The following ILRUN variants were observed in gnomAD, a reference collection of about 807,000 sequenced individuals.
ILRUN encodes protein ILRUN.
ILRUN carries 3 observed loss-of-function variants against 33.8 expected under a neutral mutation model. The ratio of observed to expected loss-of-function variants is 0.09; its 90% CI spans 0.04 to 0.23. ILRUN has a LOEUF of 0.23. ILRUN is among the 10% of genes least tolerant of loss of function. The pLI is 1.00. For missense variants in ILRUN, 210 were observed against 375.1 expected (o/e 0.56, Z 3.64); for synonymous variants, 124 against 138.9 (o/e 0.89, Z 0.75).
intron 4 of ILRUN, among the ~76,000 whole-genome samples, chr6:34,596,263 C>T (rs1761397463): frequency 1.3e-5 from 2 of 152,182 alleles, no homozygotes; most frequent in Non-Finnish European, 2.9e-5. Context: ...AGAAGGACTT[C>T]TGTAAGATGA....
At chr6:34,655,451 CCCTT>C (rs1475759481) in intron 1 of ILRUN, among the ~76,000 whole-genome samples, 1 of 152,142 alleles carries the variant, frequency 6.6e-6, no homozygotes, top group Non-Finnish European at 1.5e-5. Context: ...CTTATTTTCC[CCCTT>C]TTTTATACAA....
intron 3 of ILRUN, among the ~76,000 whole-genome samples, chr6:34,622,621 T>G (rs1051450235): frequency 2.0e-5 from 3 of 152,078 alleles, no homozygotes; most frequent in Non-Finnish European, 4.4e-5. Flanking sequence ...TTGGTGAGGA[T>G]GTGGAGAAAT....
chr6:34,610,464 T>C (rs941361253), intron 3 of ILRUN, among the ~76,000 whole-genome samples: 1 of 152,218 alleles, frequency 6.6e-6, no homozygotes, highest in African/African-American at 2.4e-5. Context: ...ACTATTTGTT[T>C]TTCCCAAACA....
At chr6:34,614,560 G>A (rs1465753337) in intron 3 of ILRUN, among the ~76,000 whole-genome samples, 1 of 147,704 alleles carries the variant, frequency 6.8e-6, no homozygotes, top group Non-Finnish European at 1.5e-5. Flanking sequence ...TGGGAGAGAA[G>A]AGACAAACTT....
At chr6:34,683,518 A>ATATATACGTATATATGTG in intron 1 of ILRUN, among the ~76,000 whole-genome samples, 1 of 99,630 alleles carries the variant, frequency 1.0e-5, no homozygotes, top group African/African-American at 5.2e-5. Flanking sequence ...ATATATACAT[A>ATATATACGTATATATGTG]TATATATATA....
At chr6:34,648,985 T>C (rs925245682) in intron 2 of ILRUN, among the ~76,000 whole-genome samples, 6 of 152,220 alleles carry the variant, frequency 3.9e-5, no homozygotes, top group African/African-American at 1.2e-4. Flanking sequence ...GGAGTGCTGC[T>C]ACATTCCAGA....
chr6:34,655,448 TC>T (rs1762749856), intron 1 of ILRUN, among the ~76,000 whole-genome samples: 1 of 152,236 alleles, frequency 6.6e-6, no homozygotes, highest in African/African-American at 2.4e-5. Flanking sequence ...AATCTTATTT[TC>T]CCCCTTTTTT....
At position 34,592,990 on chromosome 6, in the gene ILRUN, C is replaced by G. The variant is rs994004826; in HGVS notation, c.862-2390G>C. ...GGAGTTAGGAGATCAGTATGGGTAACACAGTGTGACTCCATCTCCACGCGC... is the reference window on the plus strand; with the variant it reads ...GGAGTTAGGAGATCAGTATGGGTAAGACAGTGTGACTCCATCTCCACGCGC... On this transcript the variant is annotated intron_variant, in intron 4 of 4. Coordinates refer to ENST00000374023, the MANE Select transcript of ILRUN (RefSeq NM_024294.4). The surrounding 1 kb of genome is among the most constrained non-coding windows in gnomAD (Gnocchi z 4.0). Among the ~76,000 whole-genome samples the G allele has an allele frequency of 6.6e-6, 1 of 151,882 alleles. No individual in the cohort carries two copies. Among genetic ancestry groups the G allele is most frequent in the African/African-American group, 2.4e-5 (1 of 41,332 alleles).
chr6:34,626,256 T>C (rs892312412), intron 3 of ILRUN, among the ~76,000 whole-genome samples: 4 of 152,198 alleles, frequency 2.6e-5, no homozygotes, highest in Non-Finnish European at 5.9e-5. Context: ...ACTGTAGTCT[T>C]GACCTTCTGA....
At chr6:34,596,008 G>A in intron 4 of ILRUN, 3 of 859,912 alleles carry the variant, frequency 3.5e-6, no homozygotes, top group Non-Finnish European at 4.2e-6. Context: ...GATTTATACT[G>A]CAAACATTGT....
intron 2 of ILRUN, among the ~76,000 whole-genome samples, chr6:34,654,027 T>A (rs1762724050): frequency 6.6e-6 from 1 of 151,442 alleles, no homozygotes; most frequent in Admixed American, 6.6e-5. Flanking sequence ...ACACCCAATC[T>A]GTATTTTTTT....
In ILRUN at chr6:34,696,584, T is replaced by C; in HGVS notation, c.20A>G (p.Asp7Gly). ...CTTCTGCATCAGCTCCGGGTCCAGG[T>C]CTACGTCCATGCCCTCCATGGCGGG... MEGMDV[D>G]LDPELMQKFS... is the part of the protein sequence containing the mutation. Residue 7 changes from aspartate to glycine, a missense_variant, in exon 1 of 5, where the codon GAC becomes GGC. Physicochemically the swap from Asp to Gly is moderately conservative, Grantham distance 94. This residue lies in a region of ILRUN where 61 missense variants were observed against 94.4 expected (regional missense o/e 0.65). Transcript: ENST00000374023. 6.2e-7 allele frequency: 1 copy of C among 1,611,494 alleles called. No individual in the cohort carries two copies. The highest frequency in any genetic ancestry group is 8.5e-7 in the Non-Finnish European group (1 of 1,179,640).
chr6:34,601,441 T>C (rs1159386474), intron 4 of ILRUN, among the ~76,000 whole-genome samples: 1 of 151,206 alleles, frequency 6.6e-6, no homozygotes, highest in Non-Finnish European at 1.5e-5. Context: ...ACTCTAGGGT[T>C]TCATGGCAGT....
chr6:34,598,366 A>G (rs1206949112), intron 4 of ILRUN, among the ~76,000 whole-genome samples: 1 of 152,238 alleles, frequency 6.6e-6, no homozygotes, highest in Non-Finnish European at 1.5e-5. Flanking sequence ...CAATTAAAGC[A>G]GACTTAGCTG....
At chr6:34,637,139 C>A (rs1762380425) in intron 3 of ILRUN, among the ~76,000 whole-genome samples, 1 of 152,094 alleles carries the variant, frequency 6.6e-6, no homozygotes, top group Non-Finnish European at 1.5e-5. Flanking sequence ...TGGGGAAGTG[C>A]AGTAAGTTCT....
At chr6:34,605,872 A>G (rs1422582868) in intron 4 of ILRUN, among the ~76,000 whole-genome samples, 2 of 152,312 alleles carry the variant, frequency 1.3e-5, no homozygotes, top group Admixed American at 1.3e-4. Context: ...GGACTCCACC[A>G]CTTGAACCAC....
intron 3 of ILRUN, among the ~76,000 whole-genome samples, chr6:34,643,597 A>G (rs1239159924): frequency 6.6e-6 from 1 of 152,156 alleles, no homozygotes; most frequent in African/African-American, 2.4e-5. Context: ...AATTCTTAGG[A>G]CCCTCAGTTC....
At position 34,588,435 on chromosome 6, in the gene ILRUN, G is replaced by A. The variant is rs1761235418; in HGVS notation, c.*2130C>T. 2 of 391,776 alleles carry A rather than the reference G, an allele frequency of 5.1e-6. No individual in the cohort carries two copies. The highest frequency in any genetic ancestry group is 9.0e-6 in the Non-Finnish European group (2 of 222,298). 24.3% of individuals were successfully genotyped at this position (391,776 alleles called of 1,614,324 possible). On this transcript the variant is annotated 3_prime_UTR_variant, in exon 5 of 5. Transcript: ENST00000374023. ...TGTGAAGCCTCCCACAATCCTGCCA[G>A]GGACAGTGGAGATGTGCTGCTTCAA...
chr6:34,659,618 CTT>C (rs985939505), intron 1 of ILRUN, among the ~76,000 whole-genome samples: 58 of 91,438 alleles, frequency 6.3e-4, no homozygotes, highest in African/African-American at 1.3e-3. Context: ...ATAAGGCAGT[CTT>C]TTTTTTTTTT....
Sources: gnomAD v4.1 joint callset for allele counts (sites outside exome capture counted in the v4.1 genomes callset) on GRCh38, gnomAD v4.1.1 for gene constraint, gnomAD v4.1.1 regional missense constraint, Gnocchi (gnomAD v3.1) non-coding constraint, MANE v1.5 for transcripts, NCBI Gene and HGNC (gene_info 2026-07-23, HGNC 2026-07-21) for gene names.